The following IL16 variants were observed in gnomAD, a reference collection of about 807,000 sequenced individuals.
IL16 encodes pro-interleukin-16.
In IL16, 67 loss-of-function variants were observed where a neutral mutation model predicts 110.1. That is an observed-to-expected ratio of 0.61 (90% CI 0.50 to 0.75). The LOEUF (loss-of-function observed/expected upper bound fraction) is 0.75. Among genes scored for constraint, IL16 ranks in the 30% least tolerant of loss-of-function variants. The pLI is 0.00. For missense variants in IL16, 1,545 were observed against 1,655.0 expected (o/e 0.93, Z 1.15); for synonymous variants, 689 against 662.9 (o/e 1.04, Z -0.61).
chr15:81,277,483 A>T (rs1898966948), intron 6 of IL16, among the ~76,000 whole-genome samples: 1 of 151,218 alleles, frequency 6.6e-6, no homozygotes, highest in Non-Finnish European at 1.5e-5. Context: ...CTCATCCTGT[A>T]GCCCAGGCTG....
At chr15:81,219,513 G>C (rs957080551) in intron 1 of IL16, among the ~76,000 whole-genome samples, 1 of 152,040 alleles carries the variant, frequency 6.6e-6, no homozygotes, top group Non-Finnish European at 1.5e-5. Context: ...TGTGCCCCAG[G>C]GGCCTGGATC....
intron 1 of IL16, among the ~76,000 whole-genome samples, chr15:81,215,165 A>C (rs2142002816): frequency 6.6e-6 from 1 of 152,334 alleles, no homozygotes; most frequent in African/African-American, 2.4e-5. Flanking sequence ...CTAGGGAACT[A>C]GTGGACTCAT....
At chr15:81,304,591 A>G (rs1900456535) in intron 16 of IL16, among the ~76,000 whole-genome samples, 1 of 152,214 alleles carries the variant, frequency 6.6e-6, no homozygotes, top group Middle Eastern at 3.2e-3. Flanking sequence ...CTGAGCACTC[A>G]CTGACCTGTT....
Position 81,313,394 on chromosome 15 carries a change from G to A in IL16, c.*4596G>A, listed in dbSNP as rs780771835. 100 of 1,549,746 alleles carry A rather than the reference G, an allele frequency of 6.5e-5. No homozygotes were observed. In the East Asian group the frequency reaches 2.3e-3, roughly 36 times the overall value. ...GGAAGAATGTGACCAGGTTGGTCTT[G>A]GTGGGTTCCCTGTGAAGGCAACAGC... On this transcript the variant is annotated 3_prime_UTR_variant, in exon 19 of 19. Transcript: ENST00000683961.
At chr15:81,184,012 T>C (rs1053530898) in intron 1 of IL16, among the ~76,000 whole-genome samples, 15 of 152,206 alleles carry the variant, frequency 9.9e-5, no homozygotes, top group African/African-American at 3.6e-4. Flanking sequence ...GCAACCATCA[T>C]AGATATACAG....
intron 9 of IL16, 88 bp from the exon 10 acceptor site, chr15:81,285,610 C>A: frequency 7.0e-7 from 1 of 1,418,496 alleles, no homozygotes; most frequent in Non-Finnish European, 9.7e-7. Context: ...CATCAAACAG[C>A]CCAGCCAGGA....
intron 1 of IL16, among the ~76,000 whole-genome samples, chr15:81,220,234 A>AAGCAATCTCTCCATCTCAGCCTCC (rs1432758727): frequency 6.6e-6 from 1 of 152,144 alleles, no homozygotes; most frequent in Non-Finnish European, 1.5e-5. Flanking sequence ...TCCCAGGCTC[A>AAGCAATCTCTCCATCTCAGCCTCC]AGCAATCTCT....
chr15:81,297,764 G>C (rs1349263388), intron 13 of IL16, among the ~76,000 whole-genome samples: 1 of 152,152 alleles, frequency 6.6e-6, no homozygotes, highest in African/African-American at 2.4e-5. Flanking sequence ...TGCTGGCTTC[G>C]TGAGGCCCTG....
intron 1 of IL16, among the ~76,000 whole-genome samples, chr15:81,203,019 A>ATC (rs1895877018): frequency 6.6e-6 from 1 of 151,980 alleles, no homozygotes; most frequent in Non-Finnish European, 1.5e-5. Context: ...TCACCATTCT[A>ATC]ACTGGTGTGA....
Position 81,308,637 on chromosome 15 carries a change from C to T in IL16, c.3838C>T (p.Pro1280Ser), listed in dbSNP as rs373307340. Residue 1280 changes from proline to serine, a missense_variant, in exon 19 of 19, where the codon CCT becomes TCT. This residue lies in a region of IL16 where 356 missense variants were observed against 399.3 expected (regional missense o/e 0.89). Transcript: ENST00000683961. ...CTCAGAACAAAGTGAGACAGTCCAGCCTGGAGATGAAATCTTACAGCTGGG... is the reference window on the plus strand; with the variant it reads ...CTCAGAACAAAGTGAGACAGTCCAGTCTGGAGATGAAATCTTACAGCTGGG... ...AASEQSETVQPGDEILQLGGT... is the reference protein window; with the variant it reads ...AASEQSETVQSGDEILQLGGT... 9.3e-6 allele frequency: 15 copies of T among 1,613,006 alleles called. No individual in the cohort carries two copies. The highest frequency in any genetic ancestry group is 1.3e-5 in the Non-Finnish European group (15 of 1,179,518).
rs1005378105 is a variant in IL16 at position 81,231,332 on chromosome 15, C to G, written c.312+5621C>G. On this transcript the variant is annotated intron_variant, in intron 2 of 18. Coordinates refer to ENST00000683961, the MANE Select transcript of IL16 (RefSeq NM_172217.5). ...CTACCCAAGGTCGGTCTGTCTCTCTCTCTCTCTCTCTCTCTCTCTCTCTCT... is the reference window on the plus strand; with the variant it reads ...CTACCCAAGGTCGGTCTGTCTCTCTGTCTCTCTCTCTCTCTCTCTCTCTCT... 5.3e-4 allele frequency among the ~76,000 whole-genome samples: 57 copies of G among 107,390 alleles called. 1 individual carries two copies. Among genetic ancestry groups the G allele is most frequent in the African/African-American group, 2.3e-3 (54 of 23,480 alleles). 70.5% of individuals were successfully genotyped at this position (107,390 alleles called of 152,430 possible). A position where few individuals can be genotyped will look rare whatever the true frequency, so the allele number is the denominator to read the frequency against.
At position 81,299,554 on chromosome 15, in the gene IL16, G is replaced by A. The variant is rs780132662; in HGVS notation, c.2228G>A (p.Ser743Asn). ...CACATGCCTCTACAGCCCAATGCCA[G>A]CCTGAATGAAGAAGAAGGGACACAG... ...HGHMPLQPNA[S>N]LNEEEGTQGH... The change falls in exon 14 of 19, where the codon AGC (serine) becomes AAC (asparagine). Residue 743 changes from serine to asparagine, a missense_variant. By Grantham distance (46) the Ser-to-Asn change is conservative. Around this residue, in one of 3 missense-constraint regions of IL16, gnomAD observed 1,185 missense variants for 1,238.8 expected, o/e 0.96. Coordinates refer to ENST00000683961, the MANE Select transcript of IL16 (RefSeq NM_172217.5). The A allele has an allele frequency of 6.2e-7, 1 of 1,614,180 alleles. No individual in the cohort carries two copies. Among genetic ancestry groups the A allele is most frequent in the Non-Finnish European group, 8.5e-7 (1 of 1,180,052 alleles).
Position 81,308,899 on chromosome 15 carries a change from GA to G in IL16, c.*104del. The G allele has an allele frequency of 9.4e-7, 1 of 1,068,358 alleles. No homozygotes were observed. Among genetic ancestry groups the G allele is most frequent in the Non-Finnish European group, 1.3e-6 (1 of 744,810 alleles). The allele number at this position is 1,068,358 out of a possible 1,614,324, so 66.2% of individuals were successfully genotyped here. On this transcript the variant is annotated 3_prime_UTR_variant, in exon 19 of 19. Transcript: ENST00000683961. ...CTGCTGCCGCCCCACCCAGATGGGG[GA>G]AAGCACAGGTGGGCTTCCCAGTGGC...
intron 1 of IL16, among the ~76,000 whole-genome samples, chr15:81,218,170 CA>C (rs1896495696): frequency 6.6e-6 from 1 of 151,922 alleles, no homozygotes; most frequent in African/African-American, 2.4e-5. Flanking sequence ...TGCAAGTTTG[CA>C]AGTTATGAAG....
At chr15:81,294,850 C>T in intron 12 of IL16, among the ~76,000 whole-genome samples, 1 of 152,124 alleles carries the variant, frequency 6.6e-6, no homozygotes, top group East Asian at 1.9e-4. Flanking sequence ...TTTCCTTGAC[C>T]ATTCCTGGGG....
In IL16 at chr15:81,248,796, C is replaced by T. The variant is rs191181162; in HGVS notation, c.313-10976C>T. Among the ~76,000 whole-genome samples the T allele has an allele frequency of 2.2e-3, 322 of 146,434 alleles. 2 individuals are homozygous for T. In the South Asian group the frequency reaches 0.024, roughly 11 times the overall value. On this transcript the variant is annotated intron_variant, in intron 2 of 18. Transcript: ENST00000683961. ...AGCGCAGTGGTGCAGTCTCCATTCA[C>T]GGCAAACTCCACCCCCTGGGTTCAA...
chr15:81,303,851 T>C lies in IL16; in HGVS notation c.3420+201T>C, dbSNP rs1396696816. Among the ~76,000 whole-genome samples, 3 of 152,220 alleles carry C rather than the reference T, an allele frequency of 2.0e-5. No homozygotes were observed. The highest frequency in any genetic ancestry group is 4.4e-5 in the Non-Finnish European group (3 of 68,032). ...TAGCAGGCCTGGCCATGGGCATCTTTTCCTGTGGGTCCCACTATTCTGGCT... is the reference window on the plus strand; with the variant it reads ...TAGCAGGCCTGGCCATGGGCATCTTCTCCTGTGGGTCCCACTATTCTGGCT... On this transcript the variant is annotated intron_variant, in intron 16 of 18. Coordinates refer to ENST00000683961, the MANE Select transcript of IL16 (RefSeq NM_172217.5). This position sits in a 1 kb window ranked among gnomAD's most constrained non-coding sequence, Gnocchi z 4.1.
chr15:81,269,896 T>G (rs577227464), intron 5 of IL16, among the ~76,000 whole-genome samples: 1 of 152,330 alleles, frequency 6.6e-6, no homozygotes, highest in South Asian at 2.1e-4. Context: ...CCTTAGCACT[T>G]TCAAAGCTTG....
Position 81,217,567 on chromosome 15 carries a change from A to G in IL16, c.-101-7732A>G, listed in dbSNP as rs537958875. Among the ~76,000 whole-genome samples, 393 of 152,310 alleles carry G rather than the reference A, an allele frequency of 2.6e-3. 2 individuals are homozygous for G. The highest frequency in any genetic ancestry group is 9.1e-3 in the African/African-American group (378 of 41,578). On this transcript the variant is annotated intron_variant, in intron 1 of 18. Coordinates refer to ENST00000683961, the MANE Select transcript of IL16 (RefSeq NM_172217.5). ...CTCTTTGCTCTTTTTATAAAACCTAAGACAACCCAAATGAGATGGCAGACC... is the reference window on the plus strand; with the variant it reads ...CTCTTTGCTCTTTTTATAAAACCTAGGACAACCCAAATGAGATGGCAGACC...
Sources: allele counts gnomAD v4.1 joint callset (sites outside exome capture counted in the v4.1 genomes callset), GRCh38; gene constraint gnomAD v4.1.1; regional missense constraint gnomAD v4.1.1; non-coding constraint Gnocchi (gnomAD v3.1); transcripts MANE v1.5; gene names NCBI Gene and HGNC (gene_info 2026-07-23, HGNC 2026-07-21).